Variants in DYRK2 observed in about 807,000 individuals in gnomAD.
DYRK2 encodes the protein dual specificity tyrosine-phosphorylation-regulated kinase 2.
A neutral mutation model predicts 41.6 loss-of-function variants in DYRK2; 12 were observed. That is an observed-to-expected ratio of 0.29 (90% CI 0.18 to 0.47). DYRK2 has a LOEUF of 0.47. Among genes scored for constraint, DYRK2 ranks in the 20% least tolerant of loss-of-function variants. The probability of loss-of-function intolerance (pLI) is 1.00; values close to 1 mark genes in which losing one functional copy is unlikely to be tolerated. For missense variants in DYRK2, 678 were observed against 798.4 expected (o/e 0.85, Z 1.82); for synonymous variants, 322 against 315.7 (o/e 1.02, Z -0.21).
chr12:67,652,287 T>C (rs1872344178), intron 2 of DYRK2, among the ~76,000 whole-genome samples: 1 of 152,208 alleles, frequency 6.6e-6, no homozygotes, highest in Non-Finnish European at 1.5e-5. Flanking sequence ...TCTTACTTCC[T>C]ATTATTTTTC....
chr12:67,649,977 T>TG (rs1872266633), intron 2 of DYRK2, 32 bp downstream of exon 2: 2 of 1,313,418 alleles, frequency 1.5e-6, no homozygotes, highest in East Asian at 3.1e-5. Flanking sequence ...GCCCGGGCGG[T>TG]GGGGGCGGGA....
rs1391643866 is a variant in DYRK2 at position 67,659,917 on chromosome 12, T to C, written c.*1204T>C. 6.0e-6 allele frequency: 1 copy of C among 167,124 alleles called. No individual in the cohort carries two copies. Among genetic ancestry groups the C allele is most frequent in the Non-Finnish European group, 1.5e-5 (1 of 68,134 alleles). 10.4% of individuals were successfully genotyped at this position (167,124 alleles called of 1,614,324 possible). A position where few individuals can be genotyped will look rare whatever the true frequency, so the allele number is the denominator to read the frequency against. ...GTTAAATGGTTTGACTTATTCTTCG[T>C]ATCATTAGAAGAACCCCAGAGATAG... is the stretch of plus-strand genomic sequence containing the variant. On this transcript the variant is annotated 3_prime_UTR_variant, in exon 3 of 3. Transcript: ENST00000344096.
Position 67,657,062 on chromosome 12 carries a change from A to G in DYRK2, c.199-44A>G. The stretch of plus-strand genomic sequence containing the variant: ...GGGGTTACTTATACACCATTTGAAC[A>G]GACACCACTTCTTTTCTATTTATAT... On this transcript the variant is annotated intron_variant, in intron 2 of 2. Transcript: ENST00000344096. The surrounding 1 kb of genome is among the most constrained non-coding windows in gnomAD (Gnocchi z 4.8). 1 of 1,518,650 alleles carries G rather than the reference A, an allele frequency of 6.6e-7. No homozygotes were observed. The highest frequency in any genetic ancestry group is 8.8e-7 in the Non-Finnish European group (1 of 1,132,792). The allele number at this position is 1,518,650 out of a possible 1,614,324, so 94.1% of individuals were successfully genotyped here. A position where few individuals can be genotyped will look rare whatever the true frequency, so the allele number is the denominator to read the frequency against.
At position 67,663,493 on chromosome 12, in the gene DYRK2, C is replaced by T. The variant is rs564349199; in HGVS notation, c.*4780C>T. 10 of 152,174 alleles carry T rather than the reference C, an allele frequency of 6.6e-5. No individual in the cohort carries two copies. The East Asian group carries it at 1.9e-3, about 29-fold the overall frequency. 9.4% of individuals were successfully genotyped at this position (152,174 alleles called of 1,614,324 possible). ...GGGATATGCTTAAACAAGGGAATGC[C>T]ATAAGAGTTCCCAATTGCCTCGTCA... On this transcript the variant is annotated 3_prime_UTR_variant, in exon 3 of 3. Transcript: ENST00000344096.
chr12:67,654,581 G>A (rs1466372466), intron 2 of DYRK2, among the ~76,000 whole-genome samples: 2 of 152,148 alleles, frequency 1.3e-5, no homozygotes, highest in Non-Finnish European at 2.9e-5. Flanking sequence ...GGATAGTAAT[G>A]ATGCATCTTC....
chr12:67,654,438 A>G (rs2120823518), intron 2 of DYRK2, among the ~76,000 whole-genome samples: 1 of 152,354 alleles, frequency 6.6e-6, no homozygotes, highest in Admixed American at 6.5e-5. Flanking sequence ...ATCAGACTCT[A>G]GAAGCACTAT....
At chr12:67,655,845 C>T (rs1872453892) in intron 2 of DYRK2, among the ~76,000 whole-genome samples, 2 of 152,222 alleles carry the variant, frequency 1.3e-5, no homozygotes, top group South Asian at 4.1e-4. Context: ...CAGAGCCCTT[C>T]TGCTCTTTCA....
intron 2 of DYRK2, chr12:67,652,787 G>T (rs1388848957): frequency 6.6e-6 from 1 of 152,102 alleles, no homozygotes; most frequent in Non-Finnish European, 1.5e-5. Flanking sequence ...CCCATAAATT[G>T]TAGCTATTTT....
chr12:67,652,975 A>G (rs1156431991), intron 2 of DYRK2, among the ~76,000 whole-genome samples: 5 of 151,606 alleles, frequency 3.3e-5, no homozygotes, highest in African/African-American at 9.8e-5. Flanking sequence ...GATTACAGGC[A>G]CCCGCCACCA....
chr12:67,656,366 C>G (rs1214665292), intron 2 of DYRK2, among the ~76,000 whole-genome samples: 3 of 152,164 alleles, frequency 2.0e-5, no homozygotes, highest in African/African-American at 7.2e-5. Flanking sequence ...GCCACTGACC[C>G]CTCCGGAGGA....
rs1872621042 is a variant in DYRK2 at position 67,661,425 on chromosome 12, A to G, written c.*2712A>G. On this transcript the variant is annotated 3_prime_UTR_variant, in exon 3 of 3. Transcript: ENST00000344096. ...TGTTTCTTGCACCACCAGCGTGTTCATTACCACTTAAATATATTGCTACAG... is the reference window on the plus strand; with the variant it reads ...TGTTTCTTGCACCACCAGCGTGTTCGTTACCACTTAAATATATTGCTACAG... 1 of 167,034 alleles carries G rather than the reference A, an allele frequency of 6.0e-6. No homozygotes were observed. The highest frequency in any genetic ancestry group is 2.1e-4 in the South Asian group (1 of 4,824). The allele number at this position is 167,034 out of a possible 1,614,324, so 10.3% of individuals were successfully genotyped here.
chr12:67,650,811 C>G (rs1437186922), intron 2 of DYRK2, among the ~76,000 whole-genome samples: 1 of 152,068 alleles, frequency 6.6e-6, no homozygotes, highest in Non-Finnish European at 1.5e-5. Context: ...GTTTGGAGGT[C>G]TTTTTTTCCC....
At position 67,660,360 on chromosome 12, in the gene DYRK2, AG is replaced by A. The variant is rs889455196; in HGVS notation, c.*1648del. ...AATAATAATCCTACAGTTTATCTTA[AG>A]AAAAAAAAAAAGGTTTGAAAAAAAC... is the stretch of plus-strand genomic sequence containing the variant. On this transcript the variant is annotated 3_prime_UTR_variant, in exon 3 of 3. Coordinates refer to ENST00000344096, the MANE Select transcript of DYRK2 (RefSeq NM_006482.3). 1.2e-5 allele frequency: 2 copies of A among 166,882 alleles called. No homozygotes were observed. Among genetic ancestry groups the A allele is most frequent in the African/African-American group, 4.8e-5 (2 of 41,386 alleles). The allele number at this position is 166,882 out of a possible 1,614,324, so 10.3% of individuals were successfully genotyped here. A position where few individuals can be genotyped will look rare whatever the true frequency, so the allele number is the denominator to read the frequency against.
Position 67,660,231 on chromosome 12 carries a change from G to A in DYRK2, c.*1518G>A, listed in dbSNP as rs1592715678. 1 of 166,940 alleles carries A rather than the reference G, an allele frequency of 6.0e-6. No homozygotes were observed. The highest frequency in any genetic ancestry group is 2.4e-5 in the African/African-American group (1 of 41,414). 10.3% of individuals were successfully genotyped at this position (166,940 alleles called of 1,614,324 possible). Reference sequence around the variant, plus strand: ...GGGTAGTACAGATTAGGATAAGTAAGCTTATATATGCACAGAGATTATTGT... The same window carrying A: ...GGGTAGTACAGATTAGGATAAGTAAACTTATATATGCACAGAGATTATTGT... On this transcript the variant is annotated 3_prime_UTR_variant, in exon 3 of 3. Coordinates refer to ENST00000344096, the MANE Select transcript of DYRK2 (RefSeq NM_006482.3).
In DYRK2 at chr12:67,649,938, C is replaced by G. The variant is rs1872264429; in HGVS notation, c.191C>G (p.Ala64Gly). The G allele has an allele frequency of 2.9e-6, 4 of 1,376,128 alleles. No homozygotes were observed. Among genetic ancestry groups the G allele is most frequent in the Admixed American group, 3.9e-5 (1 of 25,888 alleles). 85.2% of individuals were successfully genotyped at this position (1,376,128 alleles called of 1,614,324 possible). The change falls in exon 2 of 3, where the codon GCC (alanine) becomes GGC (glycine). Residue 64 changes from alanine (A) to glycine (G), a missense_variant. Ala to Gly is a moderately conservative substitution (Grantham distance 60). Around this residue, in one of 2 missense-constraint regions of DYRK2, gnomAD observed 285 missense variants for 279.2 expected, o/e 1.02. Transcript: ENST00000344096. ...PLRASNAAAA[A>G]HTIGGSKHTM... Reference sequence around the variant, plus strand: ...CGGGCCAGCAACGCTGCCGCCGCAGCCCACACGGTGAGACCCAGCCCGCGG... The same window carrying G: ...CGGGCCAGCAACGCTGCCGCCGCAGGCCACACGGTGAGACCCAGCCCGCGG...
intron 2 of DYRK2, among the ~76,000 whole-genome samples, chr12:67,653,963 T>A (rs928479106): frequency 1.3e-5 from 2 of 152,190 alleles, no homozygotes; most frequent in Non-Finnish European, 2.9e-5. Context: ...GAAAGGACAA[T>A]AATAATGCTC....
At chr12:67,649,394 C>T (rs906267037) in intron 1 of DYRK2, among the ~76,000 whole-genome samples, 5 of 151,704 alleles carry the variant, frequency 3.3e-5, no homozygotes, top group Non-Finnish European at 7.4e-5. Context: ...CCCGAAGAGG[C>T]TTCTGCCTGC....
chr12:67,651,594 T>C, intron 2 of DYRK2: 1 of 456,108 alleles, frequency 2.2e-6, no homozygotes, highest in Non-Finnish European at 4.4e-6. Context: ...ATGCCAGATT[T>C]ACTTGTTTTT....
At position 67,659,305 on chromosome 12, in the gene DYRK2, C is replaced by G. The variant is rs1388438049; in HGVS notation, c.*592C>G. On this transcript the variant is annotated 3_prime_UTR_variant, in exon 3 of 3. Coordinates refer to ENST00000344096, the MANE Select transcript of DYRK2 (RefSeq NM_006482.3). ...ATAAGATCCCCAAGGTTTAAACTGCCCAGTTAGCATTCTGACATTCTAAAA... is the reference window on the plus strand; with the variant it reads ...ATAAGATCCCCAAGGTTTAAACTGCGCAGTTAGCATTCTGACATTCTAAAA... 6.0e-6 allele frequency: 1 copy of G among 167,024 alleles called. No homozygotes were observed. Among genetic ancestry groups the G allele is most frequent in the African/African-American group, 2.4e-5 (1 of 41,428 alleles). The allele number at this position is 167,024 out of a possible 1,614,324, so 10.3% of individuals were successfully genotyped here. A position where few individuals can be genotyped will look rare whatever the true frequency, so the allele number is the denominator to read the frequency against.
Sources: gnomAD v4.1 joint callset for allele counts (sites outside exome capture counted in the v4.1 genomes callset) on GRCh38, gnomAD v4.1.1 for gene constraint, gnomAD v4.1.1 regional missense constraint, Gnocchi (gnomAD v3.1) non-coding constraint, MANE v1.5 for transcripts, NCBI Gene and HGNC (gene_info 2026-07-23, HGNC 2026-07-21) for gene names.